DAB2IP: variants seen among roughly 807,000 people sequenced by gnomAD.
DAB2IP encodes DAB2 interacting protein, also known as disabled homolog 2-interacting protein.
Under a neutral mutation model 107.2 loss-of-function variants are expected in DAB2IP, and 28 were observed. The observed-to-expected ratio is 0.26, with a 90% CI of 0.19 to 0.36. The LOEUF is 0.36. Among genes scored for constraint, DAB2IP ranks in the 10% least tolerant of loss-of-function variants. DAB2IP has a pLI of 1.00. For synonymous variants in DAB2IP, 755 were observed against 706.4 expected, an observed-to-expected ratio of 1.07 and a Z score of -1.09; for missense variants, 1,400 against 1,644.7, an observed-to-expected ratio of 0.85 and a Z score of 2.57.
rs1465143845 is a variant in DAB2IP at position 121,684,142 on chromosome 9, A to G, written c.228+5361A>G. Among the ~76,000 whole-genome samples the G allele has an allele frequency of 6.6e-6, 1 of 152,028 alleles. No individual in the cohort carries two copies. Among genetic ancestry groups the G allele is most frequent in the Non-Finnish European group, 1.5e-5 (1 of 68,010 alleles). On this transcript the variant is annotated intron_variant, in intron 2 of 15. Transcript: ENST00000408936. The surrounding 1 kb of genome is among the most constrained non-coding windows in gnomAD (Gnocchi z 4.0). ...GTTTCAGCTGTCTTTCTGTCACACA[A>G]ACTCAAGAAACAGGCATGTGAACAC...
chr9:121,743,066 G>A, intron 3 of DAB2IP: 1 of 918,908 alleles, frequency 1.1e-6, no homozygotes, highest in Non-Finnish European at 1.3e-6. Flanking sequence ...ACTCTGGCTG[G>A]GATGGACCTC....
intron 1 of DAB2IP, among the ~76,000 whole-genome samples, chr9:121,584,234 G>A (rs937792403): frequency 1.3e-5 from 2 of 151,800 alleles, no homozygotes; most frequent in South Asian, 2.1e-4. Flanking sequence ...GAGCCACCAC[G>A]CCCAGCCTCA....
chr9:121,750,693 G>C (rs1406199190), intron 3 of DAB2IP, among the ~76,000 whole-genome samples: 3 of 152,214 alleles, frequency 2.0e-5, no homozygotes, highest in African/African-American at 7.2e-5. Context: ...CACCCTTGCT[G>C]TGTCAAGTAG....
At chr9:121,596,010 G>A (rs1044551906) in intron 1 of DAB2IP, among the ~76,000 whole-genome samples, 3 of 151,922 alleles carry the variant, frequency 2.0e-5, no homozygotes, top group African/African-American at 7.3e-5. Flanking sequence ...AACATAGAGA[G>A]ACCCCTCTCT....
At chr9:121,669,703 A>T (rs551243092) in intron 1 of DAB2IP, among the ~76,000 whole-genome samples, 2 of 152,264 alleles carry the variant, frequency 1.3e-5, no homozygotes, top group African/African-American at 4.8e-5. Flanking sequence ...AGAGAGGGTG[A>T]TGATTGGTAT....
At chr9:121,653,761 C>T (rs1832860161) in intron 1 of DAB2IP, among the ~76,000 whole-genome samples, 5 of 152,132 alleles carry the variant, frequency 3.3e-5, no homozygotes, top group Non-Finnish European at 7.4e-5. Context: ...CTCAGCTGAC[C>T]AGGCAGGGGA....
rs553121400 is a variant in DAB2IP, at chr9:121,732,236, T to C, written c.363-24777T>C. Reference sequence around the variant, plus strand: ...AACCAAGAAAGAAAAATGCTGACCATGTCTCACTGCTTGTTCGAGTAAATT... The same window carrying C: ...AACCAAGAAAGAAAAATGCTGACCACGTCTCACTGCTTGTTCGAGTAAATT... On this transcript the variant is annotated intron_variant, in intron 3 of 15. Coordinates refer to ENST00000408936, the Ensembl canonical transcript of DAB2IP. Among the ~76,000 whole-genome samples the C allele has an allele frequency of 1.2e-3, 190 of 152,334 alleles. 1 individual carries two copies. The highest frequency in any genetic ancestry group is 4.2e-3 in the African/African-American group (174 of 41,578).
chr9:121,605,689 A>AGAGATG (rs1830845536), intron 1 of DAB2IP, among the ~76,000 whole-genome samples: 1 of 152,186 alleles, frequency 6.6e-6, no homozygotes, highest in Admixed American at 6.5e-5. Flanking sequence ...TTCTTCTTGT[A>AGAGATG]GAGATGAGGT....
At chr9:121,688,924 G>C (rs1040253976) in intron 2 of DAB2IP, among the ~76,000 whole-genome samples, 4 of 152,216 alleles carry the variant, frequency 2.6e-5, no homozygotes, top group African/African-American at 9.6e-5. Flanking sequence ...TGAGGCCAGA[G>C]TGGTCCCCTG....
intron 1 of DAB2IP, among the ~76,000 whole-genome samples, chr9:121,670,875 G>A (rs533526637): frequency 2.6e-5 from 4 of 152,128 alleles, no homozygotes; most frequent in Non-Finnish European, 4.4e-5. Context: ...AAATTAGGCC[G>A]GGCGTGGTGG....
chr9:121,724,567 A>G (rs1376758297), intron 3 of DAB2IP, among the ~76,000 whole-genome samples: 5 of 152,246 alleles, frequency 3.3e-5, no homozygotes, highest in Admixed American at 3.3e-4. Flanking sequence ...CAAGTAGAAC[A>G]TTTATGTCTT....
chr9:121,583,149 G>C (rs187450704), intron 1 of DAB2IP, among the ~76,000 whole-genome samples: 1 of 152,238 alleles, frequency 6.6e-6, no homozygotes, highest in Non-Finnish European at 1.5e-5. Context: ...CACTTTGGGA[G>C]GCCAAGGTGG....
intron 3 of DAB2IP, among the ~76,000 whole-genome samples, chr9:121,704,929 G>A (rs1017644910): frequency 6.6e-6 from 1 of 152,230 alleles, no homozygotes; most frequent in Admixed American, 6.5e-5. Flanking sequence ...CTCAACTGCA[G>A]CATTGTACTT....
intron 10 of DAB2IP, among the ~76,000 whole-genome samples, chr9:121,769,313 A>T (rs1019909234): frequency 9.8e-5 from 15 of 152,342 alleles, no homozygotes; most frequent in African/African-American, 3.4e-4. Context: ...GACCGCTCAG[A>T]GCACTGGTAT....
intron 3 of DAB2IP, among the ~76,000 whole-genome samples, chr9:121,714,432 G>C (rs949606858): frequency 1.3e-5 from 2 of 152,206 alleles, no homozygotes; most frequent in Non-Finnish European, 2.9e-5. Context: ...GCCATGCAAG[G>C]CCGAGTCCTG....
chr9:121,657,443 G>C (rs10985348), intron 1 of DAB2IP, among the ~76,000 whole-genome samples: 30,400 of 152,102 alleles, frequency 0.2, 3,752 homozygotes, highest in South Asian at 0.31. Context: ...ATGTGTGCCC[G>C]GCCCCATGCC....
At chr9:121,588,406 C>G (rs145318912) in intron 1 of DAB2IP, among the ~76,000 whole-genome samples, 4 of 151,954 alleles carry the variant, frequency 2.6e-5, no homozygotes, top group Non-Finnish European at 5.9e-5. Context: ...GGGCACCTAG[C>G]GAGTGCTTCC....
chr9:121,596,719 A>G (rs569619254), intron 1 of DAB2IP, among the ~76,000 whole-genome samples: 8 of 150,926 alleles, frequency 5.3e-5, no homozygotes, highest in South Asian at 4.2e-4. Flanking sequence ...ATTCCTTACT[A>G]GTATTATCAT....
At chr9:121,605,204 A>G (rs1830829020) in intron 1 of DAB2IP, among the ~76,000 whole-genome samples, 1 of 151,716 alleles carries the variant, frequency 6.6e-6, no homozygotes. Context: ...ATTTTTTTGT[A>G]GAGACAGGGT....
Sources: gnomAD v4.1 joint callset for allele counts (sites outside exome capture counted in the v4.1 genomes callset) on GRCh38, gnomAD v4.1.1 for gene constraint, Gnocchi (gnomAD v3.1) non-coding constraint, MANE v1.5 for transcripts, NCBI Gene and HGNC (gene_info 2026-07-23, HGNC 2026-07-21) for gene names.